The following GCNT1 variants were observed in gnomAD, a reference collection of about 807,000 sequenced individuals.
GCNT1 encodes the protein glucosaminyl (N-acetyl) transferase 1.
Under a neutral mutation model 26.2 loss-of-function variants are expected in GCNT1, and 16 were observed. The observed-to-expected ratio is 0.61, with a 90% CI of 0.41 to 0.93. The LOEUF is 0.93. Ranked by LOEUF, GCNT1 falls within the 40% of genes least tolerant of loss-of-function variation. The probability of loss-of-function intolerance (pLI) is 0.00; values close to 1 mark genes in which losing one functional copy is unlikely to be tolerated. For missense variants in GCNT1, 477 were observed against 526.7 expected (o/e 0.91, Z 0.92); for synonymous variants, 183 against 190.8 (o/e 0.96, Z 0.34).
chr9:76,399,205 C>T, the GCNT1 span: 1 of 1,493,944 alleles, frequency 6.7e-7, no homozygotes, highest in African/African-American at 1.4e-5. Flanking sequence ...AGGGAGCTCA[C>T]TCAGTGGGTT....
intron 1 of GCNT1, among the ~76,000 whole-genome samples, chr9:76,451,964 T>TTTG (rs1167385350): frequency 1.1e-5 from 1 of 90,452 alleles, no homozygotes; most frequent in East Asian, 3.0e-4. Context: ...TTTTTTTTTT[T>TTTG]TTGTTGTTGT....
At chr9:76,478,974 A>G (rs1824338374) in intron 2 of GCNT1, among the ~76,000 whole-genome samples, 1 of 152,198 alleles carries the variant, frequency 6.6e-6, no homozygotes, top group African/African-American at 2.4e-5. Flanking sequence ...TGTCATTTAC[A>G]TTAGGTATAT....
At chr9:76,465,077 G>A (rs1221487545) in intron 2 of GCNT1, among the ~76,000 whole-genome samples, 3 of 152,036 alleles carry the variant, frequency 2.0e-5, no homozygotes, top group African/African-American at 7.2e-5. Flanking sequence ...CAAACTCCTG[G>A]GCTCAAGTGA....
At chr9:76,482,496 C>T (rs374958719) in intron 2 of GCNT1, among the ~76,000 whole-genome samples, 14 of 151,418 alleles carry the variant, frequency 9.2e-5, no homozygotes, top group African/African-American at 2.9e-4. Flanking sequence ...TGGTGGCAGG[C>T]GCCTGTAGTC....
At position 76,469,844 on chromosome 9, in the gene GCNT1, A is replaced by G. The variant is rs1824092230; in HGVS notation, c.-290+9667A>G. ...ATGACCCATGGCTTCTAATAGAGCT[A>G]TAACACTCACCGCATGGCCCAAGAT... is the stretch of plus-strand genomic sequence containing the variant. On this transcript the variant is annotated intron_variant, in intron 2 of 3. Transcript: ENST00000376730. Among the ~76,000 whole-genome samples the G allele has an allele frequency of 2.0e-5, 3 of 152,128 alleles. No homozygotes were observed. The South Asian group carries it at 6.2e-4, about 31-fold the overall frequency.
At chr9:76,466,534 C>G (rs1436196789) in intron 2 of GCNT1, among the ~76,000 whole-genome samples, 5 of 152,132 alleles carry the variant, frequency 3.3e-5, no homozygotes, top group Non-Finnish European at 7.3e-5. Context: ...AATTCCTGAG[C>G]TGAGGCAATC....
At chr9:76,488,735 C>T (rs564886332) in intron 2 of GCNT1, among the ~76,000 whole-genome samples, 16 of 152,314 alleles carry the variant, frequency 1.1e-4, no homozygotes, top group African/African-American at 3.4e-4. Flanking sequence ...CTGTCTGCCT[C>T]GTCCTCCCAA....
At position 76,503,661 on chromosome 9, in the gene GCNT1, A is replaced by AAC; in HGVS notation, c.1283_1284dup (p.Ter429ThrfsTer33). On this transcript the variant is annotated frameshift_variant, in exon 4 of 4. Coordinates refer to ENST00000376730, the MANE Select transcript of GCNT1 (RefSeq NM_001490.5). LOFTEE classifies it high-confidence loss of function. ...AGACACAAAGCTTTGGAGACATTAA[A>AAC]ACACTGACCATTACGGGCAATTTTA... 1 of 1,610,960 alleles carries AAC rather than the reference A, an allele frequency of 6.2e-7. No individual in the cohort carries two copies. Among genetic ancestry groups the AAC allele is most frequent in the African/African-American group, 1.3e-5 (1 of 75,008 alleles).
chr9:76,425,635 G>C (rs572392267), intron 1 of GCNT1, among the ~76,000 whole-genome samples: 6 of 152,314 alleles, frequency 3.9e-5, no homozygotes, highest in African/African-American at 1.4e-4. Context: ...AATTTATCAA[G>C]AGAGGGGAAT....
Position 76,503,586 on chromosome 9 carries a change from T to C in GCNT1, c.1205T>C (p.Phe402Ser). 1.2e-6 allele frequency: 2 copies of C among 1,614,210 alleles called. No individual in the cohort carries two copies. Among genetic ancestry groups the C allele is most frequent in the Non-Finnish European group, 1.7e-6 (2 of 1,180,034 alleles). The change falls in exon 4 of 4, where the codon TTT becomes TCT. Residue 402 changes from phenylalanine (F) to serine (S), a missense_variant. By Grantham distance (155) the Phe-to-Ser change is radical. Coordinates refer to ENST00000376730, the MANE Select transcript of GCNT1 (RefSeq NM_001490.5). ...AAACACCACTTGTTTGCCAATAAGT[T>C]TGACGTGGATGTTGACCTCTTTGCC... ...LRKHHLFANK[F>S]DVDVDLFAIQ...
rs1225807954 is a variant in GCNT1, at chr9:76,506,631, TCTTA to T, written c.*2966_*2969del. On this transcript the variant is annotated 3_prime_UTR_variant, in exon 4 of 4. Coordinates refer to ENST00000376730, the MANE Select transcript of GCNT1 (RefSeq NM_001490.5). Reference sequence around the variant, plus strand: ...AGTATTGCATCAAGATTTACATCTTTCTTACTAAGGAAAAGAGTTAATAAAAATT... The same window carrying T: ...AGTATTGCATCAAGATTTACATCTTTCTAAGGAAAAGAGTTAATAAAAATT... 2 of 167,080 alleles carry T rather than the reference TCTTA, an allele frequency of 1.2e-5. No homozygotes were observed. Among genetic ancestry groups the T allele is most frequent in the African/African-American group, 4.8e-5 (2 of 41,452 alleles). The allele number at this position is 167,080 out of a possible 1,614,324, so 10.3% of individuals were successfully genotyped here. A position where few individuals can be genotyped will look rare whatever the true frequency, so the allele number is the denominator to read the frequency against.
upstream of GCNT1, among the ~76,000 whole-genome samples, chr9:76,458,269 G>T (rs1823793230): frequency 6.1e-5 from 8 of 130,142 alleles, no homozygotes; most frequent in Admixed American, 7.5e-4. Context: ...TGCAAGCTCC[G>T]CCTCCCGGGT....
At chr9:76,447,762 T>C (rs1823601174) in intron 1 of GCNT1, among the ~76,000 whole-genome samples, 1 of 152,250 alleles carries the variant, frequency 6.6e-6, no homozygotes, top group Admixed American at 6.5e-5. Flanking sequence ...TCATTTAGCA[T>C]AGGCATTTTG....
chr9:76,496,436 G>T (rs1177050800), intron 2 of GCNT1, among the ~76,000 whole-genome samples: 2 of 152,146 alleles, frequency 1.3e-5, no homozygotes, highest in Non-Finnish European at 2.9e-5. Flanking sequence ...CCTGGGATTT[G>T]TGCATATGCT....
At chr9:76,404,877 G>T in the GCNT1 span, among the ~76,000 whole-genome samples, 1 of 151,726 alleles carries the variant, frequency 6.6e-6, no homozygotes, top group Non-Finnish European at 1.5e-5. Flanking sequence ...GAGAGCAGTG[G>T]CGTGACCTCA....
intron 2 of GCNT1, among the ~76,000 whole-genome samples, chr9:76,463,204 C>T (rs79076656): frequency 0.023 from 3,560 of 152,302 alleles, 138 homozygotes; most frequent in African/African-American, 0.081. Flanking sequence ...TAGCTATCCA[C>T]TGTTCCCTTC....
At chr9:76,459,768 A>G (rs1376222266) in intron 1 of GCNT1, among the ~76,000 whole-genome samples, 1 of 152,144 alleles carries the variant, frequency 6.6e-6, no homozygotes, top group Non-Finnish European at 1.5e-5. Flanking sequence ...TAGGATAATA[A>G]ATGACTCACC....
intron 1 of GCNT1, among the ~76,000 whole-genome samples, chr9:76,443,717 C>G (rs189679754): frequency 6.6e-6 from 1 of 152,052 alleles, no homozygotes. Flanking sequence ...TCCGTCTCTA[C>G]TAAAGATACA....
chr9:76,415,367 A>G (rs879388747), upstream of GCNT1, among the ~76,000 whole-genome samples: 1 of 152,126 alleles, frequency 6.6e-6, no homozygotes, highest in Non-Finnish European at 1.5e-5. Context: ...TTGACGGTGA[A>G]CTTCACATAC....
Sources: allele counts gnomAD v4.1 joint callset (sites outside exome capture counted in the v4.1 genomes callset), GRCh38; gene constraint gnomAD v4.1.1; transcripts MANE v1.5; gene names NCBI Gene and HGNC (gene_info 2026-07-23, HGNC 2026-07-21).